HAO2: variants seen among roughly 807,000 people sequenced by gnomAD.
The protein encoded by HAO2 is hydroxyacid oxidase 2, also known as 2-Hydroxyacid oxidase 2.
HAO2 carries 42 observed loss-of-function variants against 37.4 expected under a neutral mutation model. The ratio of observed to expected loss-of-function variants is 1.12; its 90% confidence interval spans 0.88 to 1.45. HAO2 has a LOEUF of 1.45. Ranked by LOEUF, HAO2 falls within the 40% of genes most tolerant of loss-of-function variation. The pLI is 0.00. For synonymous variants in HAO2, 180 were observed against 162.8 expected (o/e 1.11, Z -0.81); for missense variants, 476 against 430.2 (o/e 1.11, Z -0.94).
In HAO2 at chr1:119,392,662, G is replaced by T; in HGVS notation, c.975G>T (p.Glu325Asp). 6.2e-7 allele frequency: 1 copy of T among 1,607,010 alleles called. No individual in the cohort carries two copies. The highest frequency in any genetic ancestry group is 8.5e-7 in the Non-Finnish European group (1 of 1,173,660). The part of the protein sequence containing the change: ...VKEVLNILTN[E>D]FHTSMALTGC... The stretch of plus-strand genomic sequence containing the variant: ...AAGTTTTGAACATTTTAACAAATGA[G>T]TTCCACACTTCCATGGCCCTTACAG... Residue 325 changes from glutamate (E) to aspartate (D), a missense_variant, in exon 7 of 8, where the codon GAG (glutamate) becomes GAT (aspartate). Glu to Asp is a conservative substitution (Grantham distance 45). Transcript: ENST00000325945.
chr1:119,382,976 C>G lies in HAO2; in HGVS notation c.193C>G (p.Gln65Glu). The change falls in exon 3 of 8, where the codon CAA becomes GAA. Residue 65 changes from glutamine (Q) to glutamate (E), a missense_variant. Transcript: ENST00000325945. ...VSEVDTRTTI[Q>E]GEEISAPICI... ...TGAGGTGGACACCAGAACCACAATCCAAGGGGAGGAGATCAGTGCCCCTAT... is the reference window on the plus strand; with the variant it reads ...TGAGGTGGACACCAGAACCACAATCGAAGGGGAGGAGATCAGTGCCCCTAT... 6.2e-7 allele frequency: 1 copy of G among 1,613,240 alleles called. No homozygotes were observed. Among genetic ancestry groups the G allele is most frequent in the Non-Finnish European group, 8.5e-7 (1 of 1,179,306 alleles).
intron 1 of HAO2, among the ~76,000 whole-genome samples, chr1:119,379,533 CATTT>C (rs1468097605): frequency 3.3e-5 from 5 of 152,166 alleles, no homozygotes; most frequent in African/African-American, 1.2e-4. Context: ...ATGATTAATT[CATTT>C]GACTAAGGTT....
rs896081442 is a variant in HAO2 at position 119,393,730 on chromosome 1, A to T, written c.1001-55A>T. 3.5e-6 allele frequency: 5 copies of T among 1,429,422 alleles called. No individual in the cohort carries two copies. The African/African-American group carries it at 5.6e-5, about 16-fold the overall frequency. The allele number at this position is 1,429,422 out of a possible 1,614,324, so 88.5% of individuals were successfully genotyped here. On this transcript the variant is annotated intron_variant, in intron 7 of 7. Coordinates refer to ENST00000325945, the MANE Select transcript of HAO2 (RefSeq NM_016527.4). ...CCTTCATCACCCCTTACCCATGATG[A>T]GGTGAGTTGCTTGTGTTTGACAAAA...
intron 1 of HAO2, among the ~76,000 whole-genome samples, chr1:119,371,946 C>T (rs747985135): frequency 1.1e-4 from 16 of 152,164 alleles, no homozygotes; most frequent in Non-Finnish European, 1.9e-4. Flanking sequence ...CAATGTCTCC[C>T]AGTATGCCCT....
At chr1:119,385,584 G>A (rs769172766) in intron 4 of HAO2, 147 of 983,630 alleles carry the variant, frequency 1.5e-4, no homozygotes, top group Non-Finnish European at 1.7e-4. Flanking sequence ...GGAGCACCAG[G>A]ATGCTATAGC....
intron 5 of HAO2, among the ~76,000 whole-genome samples, chr1:119,387,832 A>G (rs1354845283): frequency 6.6e-6 from 1 of 152,190 alleles, no homozygotes; most frequent in Admixed American, 6.6e-5. Flanking sequence ...GACTGAATCC[A>G]TAGCACAATC....
intron 5 of HAO2, among the ~76,000 whole-genome samples, chr1:119,387,483 T>A (rs1167711797): frequency 6.6e-6 from 1 of 152,184 alleles, no homozygotes; most frequent in African/African-American, 2.4e-5. Flanking sequence ...TTGACACTTA[T>A]ATAAATAAAA....
chr1:119,381,757 G>T (rs1432710428), intron 2 of HAO2, among the ~76,000 whole-genome samples: 1 of 152,176 alleles, frequency 6.6e-6, no homozygotes, highest in Non-Finnish European at 1.5e-5. Flanking sequence ...TTTTTGTATG[G>T]TCCATGAGCT....
intron 5 of HAO2, among the ~76,000 whole-genome samples, chr1:119,389,154 A>ACG (rs1382630270): frequency 1.3e-5 from 1 of 78,896 alleles, no homozygotes; most frequent in African/African-American, 4.4e-5. Context: ...ATATATATAT[A>ACG]TATATATATA....
chr1:119,389,706 T>C (rs759249903), intron 5 of HAO2, among the ~76,000 whole-genome samples: 3 of 151,978 alleles, frequency 2.0e-5, no homozygotes, highest in Admixed American at 1.3e-4. Flanking sequence ...GTCAGATGTA[T>C]AGATTTTGAA....
intron 7 of HAO2, 44 bp downstream of exon 7, chr1:119,392,731 G>A: frequency 8.5e-7 from 1 of 1,183,000 alleles, no homozygotes; most frequent in Middle Eastern, 1.9e-4. Flanking sequence ...AAAGCAGGAT[G>A]GCTAAAGAAT....
In HAO2 at chr1:119,382,912, C is replaced by T. The variant is rs1372017014; in HGVS notation, c.132-3C>T. ...CAGAAGATCTCTTTGTTGTCCGGCA[C>T]AGAATTCGCCTCCGTCCGCGGTACC... On this transcript the variant is annotated splice_region_variant and splice_polypyrimidine_tract_variant and intron_variant, in intron 2 of 7. Transcript: ENST00000325945. The T allele has an allele frequency of 1.2e-6, 2 of 1,612,868 alleles. No homozygotes were observed. Among genetic ancestry groups the T allele is most frequent in the Non-Finnish European group, 1.7e-6 (2 of 1,179,270 alleles).
chr1:119,381,754 A>G (rs1034379736), intron 2 of HAO2, among the ~76,000 whole-genome samples: 2 of 152,186 alleles, frequency 1.3e-5, no homozygotes, highest in African/African-American at 2.4e-5. Context: ...TTATTTTTGT[A>G]TGGTCCATGA....
chr1:119,371,665 T>C (rs2101162707), intron 1 of HAO2, among the ~76,000 whole-genome samples: 1 of 152,334 alleles, frequency 6.6e-6, no homozygotes, highest in Middle Eastern at 3.4e-3. Flanking sequence ...CCTCTTGAAC[T>C]TCAGGTTTCT....
At chr1:119,374,319 C>A (rs1649274000) in intron 1 of HAO2, among the ~76,000 whole-genome samples, 1 of 152,178 alleles carries the variant, frequency 6.6e-6, no homozygotes, top group Non-Finnish European at 1.5e-5. Flanking sequence ...CTCTTTCATT[C>A]TCAGGGTCTC....
At chr1:119,383,225 A>G (rs921064505) in intron 3 of HAO2, among the ~76,000 whole-genome samples, 159 bp downstream of exon 3, 3 of 152,240 alleles carry the variant, frequency 2.0e-5, no homozygotes, top group Non-Finnish European at 4.4e-5. Flanking sequence ...CGTTTGTGTA[A>G]CCTAAGATTG....
chr1:119,392,642 T>G lies in HAO2; in HGVS notation c.955T>G (p.Leu319Val). ...CKGEHGVKEV[L>V]NILTNEFHTS... ...GGGTGAACATGGTGTTAAGGAAGTT[T>G]TGAACATTTTAACAAATGAGTTCCA... Residue 319 changes from leucine to valine, a missense_variant, in exon 7 of 8, where the codon TTG becomes GTG. Coordinates refer to ENST00000325945, the MANE Select transcript of HAO2 (RefSeq NM_016527.4). 6.2e-7 allele frequency: 1 copy of G among 1,610,468 alleles called. No individual in the cohort carries two copies. The highest frequency in any genetic ancestry group is 1.3e-5 in the African/African-American group (1 of 74,970).
Position 119,386,784 on chromosome 1 carries a change from A to G in HAO2, c.724A>G (p.Ile242Val), listed in dbSNP as rs1570785711. The change falls in exon 5 of 8, where the codon ATT (isoleucine) becomes GTT (valine). Residue 242 changes from isoleucine (I) to valine (V), a missense_variant. By Grantham distance (29) the Ile-to-Val change is conservative (BLOSUM62 3). Coordinates refer to ENST00000325945, the MANE Select transcript of HAO2 (RefSeq NM_016527.4). Reference protein sequence around the residue: ...LAVKHNVQGIIVSNHGGRQLD... With the variant: ...LAVKHNVQGIVVSNHGGRQLD... ...TGTGAAGCACAATGTCCAGGGTATC[A>G]TTGTTTCCAACCATGGTGGGAGGCA... 1 of 1,613,892 alleles carries G rather than the reference A, an allele frequency of 6.2e-7. No individual in the cohort carries two copies. The highest frequency in any genetic ancestry group is 1.1e-5 in the South Asian group (1 of 91,076).
rs1255089653 is a variant in HAO2 at position 119,390,269 on chromosome 1, T to A, written c.772-1841T>A. On this transcript the variant is annotated intron_variant, in intron 5 of 7. Coordinates refer to ENST00000325945, the MANE Select transcript of HAO2 (RefSeq NM_016527.4). ...GGTATTATTTGGATTTATTTTTTTT[T>A]ATTTGTAGTTTCACTCTTGTCACCC... Among the ~76,000 whole-genome samples the A allele has an allele frequency of 2.0e-5, 3 of 151,972 alleles. No individual in the cohort carries two copies. The East Asian group carries it at 5.8e-4, about 29-fold the overall frequency.
Sources: allele counts gnomAD v4.1 joint callset (sites outside exome capture counted in the v4.1 genomes callset), GRCh38; gene constraint gnomAD v4.1.1; transcripts MANE v1.5; gene names NCBI Gene and HGNC (gene_info 2026-07-23, HGNC 2026-07-21).